The following RABL2B variants were observed in gnomAD, a reference collection of about 807,000 sequenced individuals.
RABL2B encodes rab-like protein 2B.
Under a neutral mutation model 26.7 loss-of-function variants are expected in RABL2B, and 17 were observed. The ratio of observed to expected loss-of-function variants is 0.64; its 90% CI spans 0.44 to 0.95. The LOEUF is 0.95. RABL2B is among the 40% of genes least tolerant of loss of function. The pLI, the probability that RABL2B is intolerant of heterozygous loss-of-function variation, is 0.00. For synonymous variants in RABL2B, 70 were observed against 103.9 expected (o/e 0.67, Z 1.99); for missense variants, 170 against 277.2 (o/e 0.61, Z 2.75).
intron 2 of RABL2B, among the ~76,000 whole-genome samples, chr22:50,781,362 A>AG (rs1253865840): frequency 6.7e-6 from 1 of 149,118 alleles, no homozygotes; most frequent in Non-Finnish European, 1.5e-5. Context: ...AAAAAAAAAA[A>AG]CTAAACCAGA....
rs1251442030 is a variant in RABL2B, at chr22:50,769,637, C to T, written c.410-85G>A. 5.0e-6 allele frequency: 8 copies of T among 1,595,622 alleles called. No homozygotes were observed. In the African/African-American group the frequency reaches 9.4e-5, roughly 19 times the overall value. The stretch of plus-strand genomic sequence containing the variant: ...GGGGGGGCCACTGGAGGCCTTCATT[C>T]CAGAAAGTGGGATAGGCAGGGATGA... On this transcript the variant is annotated intron_variant, in intron 6 of 8. Coordinates refer to ENST00000691320, the MANE Select transcript of RABL2B (RefSeq NM_001130919.3).
chr22:50,773,926 G>C (rs1369458087), intron 5 of RABL2B, among the ~76,000 whole-genome samples: 17 of 151,972 alleles, frequency 1.1e-4, no homozygotes, highest in African/African-American at 4.1e-4. Context: ...ACGGAGTCTC[G>C]CTCTGTCGCC....
chr22:50,777,779 G>A (rs2085209660), intron 3 of RABL2B, 173 bp downstream of exon 3: 7 of 877,746 alleles, frequency 8.0e-6, no homozygotes, highest in Non-Finnish European at 1.3e-5. Flanking sequence ...CACTGATTGT[G>A]CAATGCCATG....
chr22:50,770,817 A>G (rs2146986365), intron 5 of RABL2B, among the ~76,000 whole-genome samples: 1 of 151,604 alleles, frequency 6.6e-6, no homozygotes, highest in East Asian at 1.9e-4. Context: ...TGGCTCAATC[A>G]CAGCTCACTG....
intron 5 of RABL2B, among the ~76,000 whole-genome samples, chr22:50,773,461 T>C (rs1279350223): frequency 6.6e-6 from 1 of 152,024 alleles, no homozygotes; most frequent in East Asian, 1.9e-4. Context: ...AGCACGTGTG[T>C]CTTTCCACCT....
intron 7 of RABL2B, 144 bp downstream of exon 7, chr22:50,769,311 C>A: frequency 6.4e-7 from 1 of 1,565,594 alleles, no homozygotes; most frequent in Non-Finnish European, 8.7e-7. Context: ...AGTCCAGGCC[C>A]ATCAGCTCCT....
At position 50,768,205 on chromosome 22, in the gene RABL2B, A is replaced by T. The variant is rs2083655984; in HGVS notation, c.*571T>A. ...CAGCGAGCCGAGACTGCGCCACTGCACTCCAGCCTGGCGACAGAGCGAGAC... is the reference window on the plus strand; with the variant it reads ...CAGCGAGCCGAGACTGCGCCACTGCTCTCCAGCCTGGCGACAGAGCGAGAC... On this transcript the variant is annotated 3_prime_UTR_variant, in exon 9 of 9. Transcript: ENST00000691320. 1 of 202,058 alleles carries T rather than the reference A, an allele frequency of 4.9e-6. No homozygotes were observed. Among genetic ancestry groups the T allele is most frequent in the Admixed American group, 5.3e-5 (1 of 18,722 alleles). The allele number at this position is 202,058 out of a possible 1,614,324, so 12.5% of individuals were successfully genotyped here.
At chr22:50,772,954 G>A in intron 5 of RABL2B, 1 of 1,272,500 alleles carries the variant, frequency 7.9e-7, no homozygotes, top group South Asian at 1.3e-5. Flanking sequence ...GTGGTCAGAA[G>A]GCAAGTGCTT....
intron 3 of RABL2B, 77 bp downstream of exon 3, chr22:50,777,875 T>A (rs868975573): frequency 1.9e-6 from 3 of 1,608,044 alleles, no homozygotes; most frequent in Non-Finnish European, 2.6e-6. Context: ...GGTACAAAGG[T>A]GTGGGCAGTG....
chr22:50,779,663 A>C (rs1172321962), intron 2 of RABL2B, among the ~76,000 whole-genome samples: 3 of 152,040 alleles, frequency 2.0e-5, no homozygotes, highest in Admixed American at 1.3e-4. Flanking sequence ...TCTGGACCTA[A>C]CTACTCTTAA....
chr22:50,769,735 C>G, intron 6 of RABL2B, 170 bp downstream of exon 6: 1 of 912,932 alleles, frequency 1.1e-6, no homozygotes, highest in East Asian at 2.7e-5. Context: ...GTCGGCTTAG[C>G]TGGCTTCTTT....
chr22:50,780,856 C>T (rs1208728119), intron 2 of RABL2B: 5 of 384,556 alleles, frequency 1.3e-5, no homozygotes, highest in East Asian at 1.8e-4. Flanking sequence ...ATACATTCTC[C>T]GAAAGTTCTG....
chr22:50,769,674 G>A, intron 6 of RABL2B, 122 bp from the exon 7 acceptor site: 1 of 1,518,796 alleles, frequency 6.6e-7, no homozygotes, highest in South Asian at 1.2e-5. Flanking sequence ...TGGGAAACAG[G>A]TCCTAGAAAG....
intron 4 of RABL2B, among the ~76,000 whole-genome samples, chr22:50,776,468 G>C (rs1414896044): frequency 6.6e-6 from 1 of 152,238 alleles, no homozygotes; most frequent in Non-Finnish European, 1.5e-5. Flanking sequence ...CGCCAGGTCA[G>C]AGGGCTGGGA....
intron 2 of RABL2B, among the ~76,000 whole-genome samples, chr22:50,781,400 A>AAGAGAGAGAG (rs3044691): frequency 0.11 from 15,064 of 141,488 alleles, 1,000 homozygotes; most frequent in Non-Finnish European, 0.15. Flanking sequence ...TGTGGTGGGG[A>AAGAGAGAGAG]AGAGAGAGAG....
In RABL2B at chr22:50,776,775, C is replaced by T. The variant is rs369564416; in HGVS notation, c.138-26G>A. On this transcript the variant is annotated intron_variant, in intron 3 of 8. Coordinates refer to ENST00000691320, the MANE Select transcript of RABL2B (RefSeq NM_001130919.3). ...CTGCACTCAGGTTAAGGAGCAAAAT[C>T]AATAAAAGGGGAGGTAAGGAAGGAG... The T allele has an allele frequency of 2.4e-3, 3,795 of 1,590,876 alleles. 4 individuals are homozygous for T. Among genetic ancestry groups the T allele is most frequent in the Non-Finnish European group, 2.9e-3 (3,392 of 1,168,466 alleles).
At chr22:50,770,735 T>G (rs1555917720) in intron 5 of RABL2B, among the ~76,000 whole-genome samples, 2 of 151,850 alleles carry the variant, frequency 1.3e-5, no homozygotes, top group East Asian at 3.9e-4. Context: ...TTTACTTTAG[T>G]TACTATTTAC....
At chr22:50,771,989 C>T (rs2084259562) in intron 5 of RABL2B, 1 of 151,668 alleles carries the variant, frequency 6.6e-6, no homozygotes, top group Admixed American at 6.6e-5. Flanking sequence ...TTGTTTTTAC[C>T]TATTTTATTT....
chr22:50,780,047 C>T (rs538343188), intron 2 of RABL2B, among the ~76,000 whole-genome samples: 1 of 152,092 alleles, frequency 6.6e-6, no homozygotes, highest in Non-Finnish European at 1.5e-5. Context: ...GAAATCTGGT[C>T]GGGTGCAGTG....
Sources: allele counts gnomAD v4.1 joint callset (sites outside exome capture counted in the v4.1 genomes callset), GRCh38; gene constraint gnomAD v4.1.1; transcripts MANE v1.5; gene names NCBI Gene and HGNC (gene_info 2026-07-23, HGNC 2026-07-21).